The following CNTRL variants were observed in gnomAD, a reference collection of about 807,000 sequenced individuals.
The protein encoded by CNTRL is 110 kDa centrosomal protein.
In CNTRL, 233 loss-of-function variants were observed where a neutral mutation model predicts 303.7. The ratio of observed to expected loss-of-function variants is 0.77; its 90% CI spans 0.69 to 0.86. The LOEUF is 0.86. CNTRL is among the 40% of genes least tolerant of loss of function. CNTRL has a pLI of 0.00. For missense variants in CNTRL, 2,524 were observed against 2,650.6 expected (o/e 0.95, Z 1.05); for synonymous variants, 900 against 922.2 (o/e 0.98, Z 0.44).
At chr9:121,108,058 G>A (rs112491470) in intron 8 of CNTRL, 63 bp downstream of exon 8, 18,803 of 1,176,302 alleles carry the variant, frequency 0.016, 203 homozygotes, top group Non-Finnish European at 0.019. Context: ...CTTTGCCCTT[G>A]GGTCTAAAAA....
chr9:121,170,509 G>A (rs1189627886), intron 39 of CNTRL, among the ~76,000 whole-genome samples: 1 of 151,674 alleles, frequency 6.6e-6, no homozygotes, highest in African/African-American at 2.4e-5. Flanking sequence ...AGTCTGGAGT[G>A]CAGTGGCATG....
intron 20 of CNTRL, among the ~76,000 whole-genome samples, 199 bp downstream of exon 20, chr9:121,144,281 C>T (rs75885879): frequency 2.7e-4 from 41 of 152,266 alleles, no homozygotes; most frequent in African/African-American, 8.4e-4. Context: ...ATGGATACTG[C>T]GTTCTACTGA....
At chr9:121,154,974 C>T (rs1335394484) in intron 27 of CNTRL, 61 bp downstream of exon 27, 2 of 1,394,398 alleles carry the variant, frequency 1.4e-6, no homozygotes, top group South Asian at 1.2e-5. Flanking sequence ...TACTGTCCAC[C>T]TGAAGGATTA....
rs774442083 is a variant in CNTRL at position 121,141,498 on chromosome 9, A to G, written c.2601A>G (p.Lys867=). 2 of 1,614,004 alleles carry G rather than the reference A, an allele frequency of 1.2e-6. No individual in the cohort carries two copies. Among genetic ancestry groups the G allele is most frequent in the Non-Finnish European group, 1.7e-6 (2 of 1,179,996 alleles). ...ERDEAQVRER[K]LQEEMALQQE... ...ATGAAGCACAAGTTAGAGAGAGAAA[A>G]CTCCAAGAAGAAATGGCTCTGCAGC... Residue 867 remains lysine, a synonymous_variant, in exon 18 of 44, where the codon AAA becomes AAG. Transcript: ENST00000373855.
rs1588347573 is a variant in CNTRL at position 121,173,598 on chromosome 9, AG to A, written c.6685-73del. The A allele has an allele frequency of 4.3e-6, 7 of 1,609,530 alleles. No homozygotes were observed. In the East Asian group the frequency reaches 1.6e-4, roughly 36 times the overall value. The stretch of plus-strand genomic sequence containing the variant: ...AACACAGATGTGGGGGTGCTGGGGT[AG>A]GGGAGGGAAAGGCTGGTTGGCTTCC... On this transcript the variant is annotated intron_variant, in intron 41 of 43. Coordinates refer to ENST00000373855, the MANE Select transcript of CNTRL (RefSeq NM_007018.6).
rs1588269366 is a variant in CNTRL, at chr9:121,150,290, C to G, written c.3770C>G (p.Pro1257Arg). The G allele has an allele frequency of 6.2e-7, 1 of 1,614,138 alleles. No homozygotes were observed. Reference sequence around the variant, plus strand: ...GTGCTTCCTGATGGTTCTCCTGTACCCCAGGGCATGGCCCTGTATGCACCA... The same window carrying G: ...GTGCTTCCTGATGGTTCTCCTGTACGCCAGGGCATGGCCCTGTATGCACCA... ...YTVLPDGSPVPQGMALYAPPP... is the reference protein window; with the variant it reads ...YTVLPDGSPVRQGMALYAPPP... The change falls in exon 25 of 44, where the codon CCC becomes CGC. Residue 1257 changes from proline to arginine, a missense_variant. Pro to Arg is a moderately radical substitution (Grantham distance 103). Coordinates refer to ENST00000373855, the MANE Select transcript of CNTRL (RefSeq NM_007018.6).
At chr9:121,081,821 A>G (rs1391498383) in intron 2 of CNTRL, among the ~76,000 whole-genome samples, 1 of 152,162 alleles carries the variant, frequency 6.6e-6, no homozygotes, top group African/African-American at 2.4e-5. Context: ...TGTAGGCGTG[A>G]TTGCTCACAT....
In CNTRL at chr9:121,095,038, C is replaced by A. The variant is rs925427301; in HGVS notation, c.479+20C>A. ...AATCAGGTGAGTTATATAACAAAAT[C>A]TTTAGGCAGCATTGCAGATAGCTTT... On this transcript the variant is annotated intron_variant, in intron 5 of 43. Coordinates refer to ENST00000373855, the MANE Select transcript of CNTRL (RefSeq NM_007018.6). 1.3e-6 allele frequency: 2 copies of A among 1,570,886 alleles called. No homozygotes were observed. The highest frequency in any genetic ancestry group is 2.7e-5 in the African/African-American group (2 of 72,732).
chr9:121,122,492 T>C (rs1176066949), intron 12 of CNTRL: 7 of 675,986 alleles, frequency 1.0e-5, no homozygotes, highest in African/African-American at 1.9e-5. Context: ...CTTGAGATCA[T>C]TGGTGTTCAT....
At chr9:121,158,201 G>A (rs947106856) in intron 30 of CNTRL, 92 bp downstream of exon 30, 31 of 1,427,884 alleles carry the variant, frequency 2.2e-5, no homozygotes, top group Admixed American at 8.9e-5. Context: ...GAATAAATGC[G>A]GCTATGTATT....
Position 121,173,223 on chromosome 9 carries a change from G to A in CNTRL, c.6418-20G>A. The A allele has an allele frequency of 5.0e-6, 8 of 1,588,866 alleles. No individual in the cohort carries two copies. The highest frequency in any genetic ancestry group is 6.8e-6 in the Non-Finnish European group (8 of 1,168,060). On this transcript the variant is annotated intron_variant, in intron 40 of 43. Transcript: ENST00000373855. Reference sequence around the variant, plus strand: ...TCTGAAATTTTATACAATGATATTTGACACCAACTCACTGTTTAGATGGCA... The same window carrying A: ...TCTGAAATTTTATACAATGATATTTAACACCAACTCACTGTTTAGATGGCA...
rs143732715 is a variant in CNTRL at position 121,078,265 on chromosome 9, G to A, written c.-204-2041G>A. Among the ~76,000 whole-genome samples, 85 of 152,182 alleles carry A rather than the reference G, an allele frequency of 5.6e-4. 1 individual carries two copies. Among genetic ancestry groups the A allele is most frequent in the Admixed American group, 4.6e-3 (70 of 15,274 alleles). ...CTACTAAAAATAAAAAAAATTAGCC[G>A]GGCGTGGTGCTGTGCACCTGTAATC... On this transcript the variant is annotated intron_variant, in intron 1 of 43. Transcript: ENST00000373855.
chr9:121,151,110 TG>T (rs2052217084), intron 25 of CNTRL, among the ~76,000 whole-genome samples: 1 of 152,216 alleles, frequency 6.6e-6, no homozygotes, highest in Admixed American at 6.5e-5. Flanking sequence ...GATAAGGTTT[TG>T]GGGATTATCT....
chr9:121,091,202 T>G (rs1458710689), intron 4 of CNTRL, among the ~76,000 whole-genome samples: 1 of 152,232 alleles, frequency 6.6e-6, no homozygotes, highest in African/African-American at 2.4e-5. Context: ...CTAGAGTGTT[T>G]ACAGCTTCAT....
intron 12 of CNTRL, among the ~76,000 whole-genome samples, chr9:121,121,217 G>A (rs2050209426): frequency 6.6e-6 from 1 of 152,194 alleles, no homozygotes. Context: ...CCCACAATGT[G>A]TCATACATTG....
At position 121,172,062 on chromosome 9, in the gene CNTRL, A is replaced by G. The variant is rs113933189; in HGVS notation, c.6417+514A>G. Among the ~76,000 whole-genome samples, 174 of 152,204 alleles carry G rather than the reference A, an allele frequency of 1.1e-3. 1 individual carries two copies. Among genetic ancestry groups the G allele is most frequent in the African/African-American group, 2.7e-3 (114 of 41,498 alleles). ...GAACTCTAGTCGGGCTGCTGTAGCC[A>G]CTCATTTGGCCCTGCTATACTTAGT... On this transcript the variant is annotated intron_variant, in intron 40 of 43. Transcript: ENST00000373855.
At chr9:121,162,374 C>T (rs900977307) in intron 34 of CNTRL, 103 bp downstream of exon 34, 4 of 943,504 alleles carry the variant, frequency 4.2e-6, no homozygotes, top group African/African-American at 3.4e-5. Flanking sequence ...ATAAAATACA[C>T]CACAAACTTG....
Position 121,075,003 on chromosome 9 carries a change from G to A in CNTRL, c.-269G>A, listed in dbSNP as rs1564176708. ...GCTGCCGCGCCGCTGGGCCCCTGAG[G>A]AAAGAGCCCGAACTTCTCCCGCTCT... On this transcript the variant is annotated 5_prime_UTR_variant, in exon 1 of 44. Coordinates refer to ENST00000373855, the MANE Select transcript of CNTRL (RefSeq NM_007018.6). 2.2e-6 allele frequency: 1 copy of A among 455,150 alleles called. No homozygotes were observed. The highest frequency in any genetic ancestry group is 4.4e-6 in the Non-Finnish European group (1 of 226,226). 28.2% of individuals were successfully genotyped at this position (455,150 alleles called of 1,614,324 possible). A position where few individuals can be genotyped will look rare whatever the true frequency, so the allele number is the denominator to read the frequency against.
At chr9:121,160,786 C>G (rs2052809372) in intron 32 of CNTRL, among the ~76,000 whole-genome samples, 1 of 152,134 alleles carries the variant, frequency 6.6e-6, no homozygotes, top group Admixed American at 6.5e-5. Context: ...TCAAAACTAC[C>G]TGGGCAATGT....
Sources: gnomAD v4.1 joint callset for allele counts (sites outside exome capture counted in the v4.1 genomes callset) on GRCh38, gnomAD v4.1.1 for gene constraint, MANE v1.5 for transcripts, NCBI Gene and HGNC (gene_info 2026-07-23, HGNC 2026-07-21) for gene names.